ST6GALNAC5: variants seen among roughly 807,000 people sequenced by gnomAD.
The protein encoded by ST6GALNAC5 is alpha-N-acetylgalactosaminide alpha-2,6-sialyltransferase 5.
Under a neutral mutation model 33.6 loss-of-function variants are expected in ST6GALNAC5, and 27 were observed. That is an observed-to-expected ratio of 0.80 (90% CI 0.59 to 1.11). ST6GALNAC5 has a LOEUF of 1.11. Among genes scored for constraint, ST6GALNAC5 ranks in the 50% least tolerant of loss-of-function variants. The pLI, the probability that ST6GALNAC5 is intolerant of heterozygous loss-of-function variation, is 0.00. For synonymous variants in ST6GALNAC5, 194 were observed against 171.2 expected (o/e 1.13, Z -1.04); for missense variants, 428 against 454.0 (o/e 0.94, Z 0.52).
intron 2 of ST6GALNAC5, among the ~76,000 whole-genome samples, chr1:76,890,553 T>TC (rs1557711119): frequency 6.6e-6 from 1 of 151,904 alleles, no homozygotes; most frequent in Non-Finnish European, 1.5e-5. Flanking sequence ...CAGTTTTTTT[T>TC]TTTTTGAGCT....
intron 2 of ST6GALNAC5, among the ~76,000 whole-genome samples, chr1:76,927,810 G>A (rs1172885992): frequency 2.0e-5 from 3 of 152,188 alleles, no homozygotes; most frequent in Admixed American, 1.3e-4. Flanking sequence ...TGTCTAATAA[G>A]TGGCATTATT....
At chr1:77,025,180 C>T (rs776915735) in intron 2 of ST6GALNAC5, among the ~76,000 whole-genome samples, 3 of 152,202 alleles carry the variant, frequency 2.0e-5, no homozygotes, top group South Asian at 2.1e-4. Flanking sequence ...TACATTCTTA[C>T]GCGTGGACAC....
At position 76,903,606 on chromosome 1, in the gene ST6GALNAC5, T is replaced by G. The variant is rs527780987; in HGVS notation, c.261+34864T>G. Among the ~76,000 whole-genome samples, 5 of 152,312 alleles carry G rather than the reference T, an allele frequency of 3.3e-5. No homozygotes were observed. In the East Asian group the frequency reaches 9.6e-4, roughly 29 times the overall value. ...AAAGGCATTATTCATAACAGCATTATTCATAACAATCATAAGGTAGAAACC... is the reference window on the plus strand; with the variant it reads ...AAAGGCATTATTCATAACAGCATTAGTCATAACAATCATAAGGTAGAAACC... On this transcript the variant is annotated intron_variant, in intron 2 of 4. Transcript: ENST00000477717.
At chr1:77,011,772 T>C (rs1439947815) in intron 2 of ST6GALNAC5, among the ~76,000 whole-genome samples, 2 of 152,106 alleles carry the variant, frequency 1.3e-5, no homozygotes, top group African/African-American at 4.8e-5. Context: ...ATTGTTCTAT[T>C]GTAATACAAT....
rs192148187 is a variant in ST6GALNAC5 at position 76,911,840 on chromosome 1, G to A, written c.261+43098G>A. ...TTTTTTCTTTATTAGTCTTGCTAGCGGTCTATCAATTCTGTTGCTCCTTTC... is the reference window on the plus strand; with the variant it reads ...TTTTTTCTTTATTAGTCTTGCTAGCAGTCTATCAATTCTGTTGCTCCTTTC... On this transcript the variant is annotated intron_variant, in intron 2 of 4. Transcript: ENST00000477717. Among the ~76,000 whole-genome samples the A allele has an allele frequency of 3.5e-3, 530 of 152,020 alleles. 1 individual carries two copies. Among genetic ancestry groups the A allele is most frequent in the Non-Finnish European group, 4.9e-3 (333 of 67,974 alleles).
rs1262967947 is a variant in ST6GALNAC5, at chr1:76,867,644, C to G, written c.-32C>G. The G allele has an allele frequency of 6.2e-7, 1 of 1,614,050 alleles. No individual in the cohort carries two copies. Among genetic ancestry groups the G allele is most frequent in the Non-Finnish European group, 8.5e-7 (1 of 1,180,018 alleles). On this transcript the variant is annotated 5_prime_UTR_variant, in exon 1 of 5. Coordinates refer to ENST00000477717, the MANE Select transcript of ST6GALNAC5 (RefSeq NM_030965.3). ...GAAAAAGTGGCCCCGGACGCGCGAG[C>G]CTGAGGATTCTGCACAAAAGAGGTG... is the stretch of plus-strand genomic sequence containing the variant.
chr1:76,974,864 C>CA (rs1304983114), intron 2 of ST6GALNAC5, among the ~76,000 whole-genome samples: 17 of 134,802 alleles, frequency 1.3e-4, no homozygotes, highest in Non-Finnish European at 2.5e-4. Context: ...CTCACTGCAG[C>CA]AACTTCCGCC....
chr1:77,016,591 T>C (rs551242745), intron 2 of ST6GALNAC5, among the ~76,000 whole-genome samples: 3 of 151,882 alleles, frequency 2.0e-5, no homozygotes, highest in East Asian at 3.9e-4. Flanking sequence ...TGGTGCTAAT[T>C]AGAGATGGAG....
intron 2 of ST6GALNAC5, among the ~76,000 whole-genome samples, chr1:77,038,859 T>C (rs533780944): frequency 7.2e-5 from 11 of 152,094 alleles, no homozygotes; most frequent in Admixed American, 3.9e-4. Flanking sequence ...TGTTTGGGGG[T>C]TTTGTTGGTG....
intron 2 of ST6GALNAC5, among the ~76,000 whole-genome samples, chr1:76,915,448 G>A (rs1324640814): frequency 6.6e-6 from 1 of 152,072 alleles, no homozygotes; most frequent in African/African-American, 2.4e-5. Flanking sequence ...CAACCCAAAT[G>A]TCCAATGATG....
chr1:77,029,833 G>A (rs757800973), intron 2 of ST6GALNAC5, among the ~76,000 whole-genome samples: 1 of 152,218 alleles, frequency 6.6e-6, no homozygotes, highest in Non-Finnish European at 1.5e-5. Flanking sequence ...AATCTTATTT[G>A]TCTAAATTAT....
intron 2 of ST6GALNAC5, among the ~76,000 whole-genome samples, chr1:77,043,806 C>T (rs1289401639): frequency 2.6e-5 from 4 of 152,086 alleles, no homozygotes. Flanking sequence ...TTTTGAAAGC[C>T]GGAAGCACAA....
At chr1:77,041,673 G>T (rs1309320101) in intron 2 of ST6GALNAC5, among the ~76,000 whole-genome samples, 2 of 152,148 alleles carry the variant, frequency 1.3e-5, no homozygotes, top group Non-Finnish European at 2.9e-5. Context: ...GTAGTTTTCT[G>T]AGGGGAATAG....
chr1:76,910,747 A>G (rs1014801283), intron 2 of ST6GALNAC5, among the ~76,000 whole-genome samples: 1 of 152,020 alleles, frequency 6.6e-6, no homozygotes, highest in Non-Finnish European at 1.5e-5. Flanking sequence ...ATACAGTTGG[A>G]GGTATTTATG....
intron 4 of ST6GALNAC5, among the ~76,000 whole-genome samples, chr1:77,051,875 T>G (rs1441700545): frequency 6.6e-6 from 1 of 152,124 alleles, no homozygotes; most frequent in Non-Finnish European, 1.5e-5. Flanking sequence ...GCCATTAGGA[T>G]GCCAGAAAGA....
chr1:76,985,287 C>T (rs1166808278), intron 2 of ST6GALNAC5, among the ~76,000 whole-genome samples: 1 of 152,180 alleles, frequency 6.6e-6, no homozygotes, highest in African/African-American at 2.4e-5. Context: ...GCCCAAATCT[C>T]CTTAAGCTGA....
At chr1:77,013,198 GCT>G (rs1268440351) in intron 2 of ST6GALNAC5, among the ~76,000 whole-genome samples, 3 of 151,960 alleles carry the variant, frequency 2.0e-5, no homozygotes. Flanking sequence ...TCCACACCCA[GCT>G]CTACAACCTC....
chr1:76,910,584 T>C (rs916722524), intron 2 of ST6GALNAC5, among the ~76,000 whole-genome samples: 2 of 152,110 alleles, frequency 1.3e-5, no homozygotes, highest in Non-Finnish European at 2.9e-5. Flanking sequence ...CAAACACTTA[T>C]AAAGTTTCAA....
intron 2 of ST6GALNAC5, among the ~76,000 whole-genome samples, chr1:77,015,078 CACACACACAT>C (rs112395306): frequency 0.033 from 4,445 of 135,876 alleles, 232 homozygotes; most frequent in African/African-American, 0.13. Flanking sequence ...CACACACACA[CACACACACAT>C]GGAGCTTTAT....
Sources: allele counts gnomAD v4.1 joint callset (sites outside exome capture counted in the v4.1 genomes callset), GRCh38; gene constraint gnomAD v4.1.1; transcripts MANE v1.5; gene names NCBI Gene and HGNC (gene_info 2026-07-23, HGNC 2026-07-21).